CABIN1: variants seen among roughly 807,000 people sequenced by gnomAD.
The protein encoded by CABIN1 is calcineurin binding protein 1.
CABIN1 carries 133 observed loss-of-function variants against 227.7 expected under a neutral mutation model. The observed-to-expected ratio is 0.58, with a 90% CI of 0.51 to 0.67. The LOEUF (loss-of-function observed/expected upper bound fraction) is 0.67. Ranked by LOEUF, CABIN1 falls within the 30% of genes least tolerant of loss-of-function variation. The pLI, the probability that CABIN1 is intolerant of heterozygous loss-of-function variation, is 0.00. For missense variants in CABIN1, 2,408 were observed against 2,852.5 expected, an observed-to-expected ratio of 0.84 and a Z score of 3.55; for synonymous variants, 1,086 against 1,155.1, an observed-to-expected ratio of 0.94 and a Z score of 1.21.
intron 1 of CABIN1, among the ~76,000 whole-genome samples, chr22:24,012,364 C>A (rs1264600079): frequency 1.3e-5 from 2 of 151,996 alleles, no homozygotes; most frequent in African/African-American, 4.8e-5. Context: ...CCATTCTTTG[C>A]TCGTGGGCTG....
chr22:24,134,534 G>C (rs2044272924), intron 29 of CABIN1, 119 bp downstream of exon 29: 2 of 774,438 alleles, frequency 2.6e-6, no homozygotes, highest in Non-Finnish European at 4.4e-6. Flanking sequence ...GGCATCCTCA[G>C]AGGGCAGGCA....
At position 24,178,367 on chromosome 22, in the gene CABIN1, C is replaced by G; in HGVS notation, c.*171C>G. Reference sequence around the variant, plus strand: ...GCATCCTCCCTGTACCCAGGTCAGGCTGTCCACACCACATGGGAGCCCAGA... The same window carrying G: ...GCATCCTCCCTGTACCCAGGTCAGGGTGTCCACACCACATGGGAGCCCAGA... On this transcript the variant is annotated 3_prime_UTR_variant, in exon 37 of 37. Transcript: ENST00000263119. 5.2e-6 allele frequency: 4 copies of G among 768,578 alleles called. No individual in the cohort carries two copies. The highest frequency in any genetic ancestry group is 8.3e-6 in the Non-Finnish European group (4 of 484,004). 47.6% of individuals were successfully genotyped at this position (768,578 alleles called of 1,614,324 possible). A position where few individuals can be genotyped will look rare whatever the true frequency, so the allele number is the denominator to read the frequency against.
rs899806229 is a variant in CABIN1, at chr22:24,067,128, C to G, written c.2179C>G (p.Leu727Val). The G allele has an allele frequency of 1.9e-6, 3 of 1,614,256 alleles. No individual in the cohort carries two copies. Among genetic ancestry groups the G allele is most frequent in the East Asian group, 4.5e-5 (2 of 44,886 alleles). The change falls in exon 16 of 37, where the codon CTG (leucine) becomes GTG (valine). Residue 727 changes from leucine (L) to valine (V), a missense_variant. Coordinates refer to ENST00000263119, the MANE Select transcript of CABIN1 (RefSeq NM_012295.4). ...CTSGFDRAKH[L>V]EFMTSIPERP... is the part of the protein sequence containing the mutation. ...CAGTGGGTTTGACCGGGCCAAACAC[C>G]TGGAGTTTATGACTTCCATTCCTGA... is the stretch of plus-strand genomic sequence containing the variant.
intron 26 of CABIN1, among the ~76,000 whole-genome samples, chr22:24,100,389 T>C (rs1025043830): frequency 2.6e-5 from 4 of 152,230 alleles, no homozygotes; most frequent in Admixed American, 6.5e-5. Flanking sequence ...TTTCAGCAGC[T>C]ATACTAGTTC....
intron 8 of CABIN1, 124 bp from the exon 9 acceptor site, chr22:24,054,749 C>T (rs2038647850): frequency 1.7e-6 from 2 of 1,185,576 alleles, no homozygotes; most frequent in East Asian, 2.3e-5. Context: ...CCTCCCCCAC[C>T]CCCATGGACA....
intron 31 of CABIN1, among the ~76,000 whole-genome samples, chr22:24,166,117 A>G (rs2046432438): frequency 6.6e-6 from 1 of 152,198 alleles, no homozygotes; most frequent in African/African-American, 2.4e-5. Context: ...TATGCCTGGT[A>G]GGGCTGGCTG....
At chr22:24,051,048 A>AGG in intron 8 of CABIN1, 74 bp downstream of exon 8, 1 of 1,588,322 alleles carries the variant, frequency 6.3e-7, no homozygotes, top group Non-Finnish European at 8.6e-7. Flanking sequence ...CCTGCACAGG[A>AGG]GGGAGAGACC....
chr22:24,025,699 G>A (rs1002628335), intron 1 of CABIN1, among the ~76,000 whole-genome samples: 1 of 152,188 alleles, frequency 6.6e-6, no homozygotes, highest in Admixed American at 6.5e-5. Context: ...GTTTGAGACA[G>A]GCTCTCACTC....
At chr22:24,090,227 G>A (rs1414551275) in intron 23 of CABIN1, among the ~76,000 whole-genome samples, 1 of 152,210 alleles carries the variant, frequency 6.6e-6, no homozygotes, top group Non-Finnish European at 1.5e-5. Flanking sequence ...GCCCAGATGG[G>A]CCACTTCACA....
In CABIN1 at chr22:24,086,249, G is replaced by A. The variant is rs144680248; in HGVS notation, c.3263+1098G>A. Among the ~76,000 whole-genome samples the A allele has an allele frequency of 2.5e-3, 381 of 152,292 alleles. 5 individuals are homozygous for A. The South Asian group carries it at 0.034, about 13-fold the overall frequency. On this transcript the variant is annotated intron_variant, in intron 22 of 36. Coordinates refer to ENST00000263119, the MANE Select transcript of CABIN1 (RefSeq NM_012295.4). The stretch of plus-strand genomic sequence containing the variant: ...ACTGCGCCACAGTTCAGGTTTCCTC[G>A]TCTGTTCCCCTACTTCCACATCTGA...
At chr22:24,058,757 C>T (rs2038980815) in intron 10 of CABIN1, among the ~76,000 whole-genome samples, 1 of 152,238 alleles carries the variant, frequency 6.6e-6, no homozygotes. Flanking sequence ...TCCAGTGTGT[C>T]AGCATGAACA....
chr22:24,163,441 G>A (rs2046269917), intron 29 of CABIN1, among the ~76,000 whole-genome samples: 1 of 152,108 alleles, frequency 6.6e-6, no homozygotes, highest in Non-Finnish European at 1.5e-5. Flanking sequence ...GTAGCTGGGG[G>A]CCCAAGTCCC....
chr22:24,015,819 A>T (rs1032093449), intron 1 of CABIN1, among the ~76,000 whole-genome samples: 5 of 151,722 alleles, frequency 3.3e-5, no homozygotes, highest in African/African-American at 1.2e-4. Flanking sequence ...TTAGCTGGGC[A>T]TGGTGGTGCA....
At chr22:24,136,636 G>A (rs2044433333) in intron 29 of CABIN1, among the ~76,000 whole-genome samples, 1 of 147,884 alleles carries the variant, frequency 6.8e-6, no homozygotes, top group Non-Finnish European at 1.5e-5. Context: ...AAAGTGCTGG[G>A]ATTACAGGCG....
At chr22:24,153,222 C>T (rs751190331) in intron 29 of CABIN1, among the ~76,000 whole-genome samples, 1 of 152,214 alleles carries the variant, frequency 6.6e-6, no homozygotes, top group Non-Finnish European at 1.5e-5. Flanking sequence ...TAAGCAGGCT[C>T]CTGCTGGCCT....
At chr22:24,134,816 G>A (rs556256788) in intron 29 of CABIN1, among the ~76,000 whole-genome samples, 2 of 152,358 alleles carry the variant, frequency 1.3e-5, no homozygotes, top group African/African-American at 2.4e-5. Context: ...GGTGGCTCAC[G>A]CCTGTAGTCC....
rs537769116 is a variant in CABIN1 at position 24,169,690 on chromosome 22, G to A, written c.5757+1169G>A. On this transcript the variant is annotated intron_variant, in intron 33 of 36. Transcript: ENST00000263119. Reference sequence around the variant, plus strand: ...GGCCCAGGTCCACCAGGGTGCCCCTGCCTCCTCCACTGGCCCAGGTGGAGC... The same window carrying A: ...GGCCCAGGTCCACCAGGGTGCCCCTACCTCCTCCACTGGCCCAGGTGGAGC... Among the ~76,000 whole-genome samples, 9 of 152,348 alleles carry A rather than the reference G, an allele frequency of 5.9e-5. No individual in the cohort carries two copies. In the South Asian group the frequency reaches 1.9e-3, roughly 32 times the overall value.
intron 19 of CABIN1, among the ~76,000 whole-genome samples, chr22:24,079,034 T>C (rs969866698): frequency 5.3e-5 from 8 of 152,198 alleles, no homozygotes; most frequent in Non-Finnish European, 1.0e-4. Context: ...GTACATCTAG[T>C]TTATTCATTT....
intron 5 of CABIN1, 44 bp downstream of exon 5, chr22:24,041,317 T>C (rs1454894186): frequency 6.2e-7 from 1 of 1,613,592 alleles, no homozygotes; most frequent in Non-Finnish European, 8.5e-7. Flanking sequence ...TTTTGAAAGC[T>C]CTTGGTGGAG....
Sources: gnomAD v4.1 joint callset for allele counts (sites outside exome capture counted in the v4.1 genomes callset) on GRCh38, gnomAD v4.1.1 for gene constraint, MANE v1.5 for transcripts, NCBI Gene and HGNC (gene_info 2026-07-23, HGNC 2026-07-21) for gene names.